The following ATP1A4 variants were observed in gnomAD, a reference collection of about 807,000 sequenced individuals.
ATP1A4 encodes the protein ATPase Na+/K+ transporting subunit alpha 4, also known as sodium/potassium-transporting ATPase subunit alpha-4.
A neutral mutation model predicts 114.3 loss-of-function variants in ATP1A4; 90 were observed. The observed-to-expected ratio is 0.79, with a 90% CI of 0.66 to 0.94. The LOEUF (loss-of-function observed/expected upper bound fraction) is 0.94. Among genes scored for constraint, ATP1A4 ranks in the 40% least tolerant of loss-of-function variants. ATP1A4 has a pLI of 0.00. For synonymous variants in ATP1A4, 511 were observed against 494.1 expected (o/e 1.03, Z -0.45); for missense variants, 1,222 against 1,313.6 (o/e 0.93, Z 1.08).
chr1:160,176,618 T>G lies in ATP1A4; in HGVS notation c.2590+16T>G, dbSNP rs373163566. 5.3e-5 allele frequency: 85 copies of G among 1,611,862 alleles called. No individual in the cohort carries two copies. In the African/African-American group the frequency reaches 9.1e-4, roughly 17 times the overall value. On this transcript the variant is annotated intron_variant, in intron 17 of 21. Transcript: ENST00000368081. ...GGACAGATTGGTGCGCCCAGAGGAA[T>G]GAGGGGTGGAGGGAGCAGGGAGTGG...
intron 18 of ATP1A4, among the ~76,000 whole-genome samples, chr1:160,178,214 G>C (rs556505243): frequency 6.6e-6 from 1 of 152,108 alleles, no homozygotes; most frequent in East Asian, 1.9e-4. Context: ...AATTAGCCGG[G>C]CGTGGTGGCG....
chr1:160,151,752 C>A lies in ATP1A4; in HGVS notation c.-289C>A. On this transcript the variant is annotated 5_prime_UTR_variant, in exon 1 of 22. Transcript: ENST00000368081. Reference sequence around the variant, plus strand: ...CATTCCCTCACCTCTACCTTTTTATCCTTCCACCCTAGGCTTCTCTCCTCC... The same window carrying A: ...CATTCCCTCACCTCTACCTTTTTATACTTCCACCCTAGGCTTCTCTCCTCC... The A allele has an allele frequency of 3.1e-6, 1 of 320,328 alleles. No homozygotes were observed. The allele number at this position is 320,328 out of a possible 1,614,324, so 19.8% of individuals were successfully genotyped here. A position where few individuals can be genotyped will look rare whatever the true frequency, so the allele number is the denominator to read the frequency against.
chr1:160,153,241 C>T lies in ATP1A4; in HGVS notation c.207+17C>T. 1 of 1,610,790 alleles carries T rather than the reference C, an allele frequency of 6.2e-7. No individual in the cohort carries two copies. The highest frequency in any genetic ancestry group is 1.1e-5 in the South Asian group (1 of 90,968). The stretch of plus-strand genomic sequence containing the variant: ...CTGACAAAGGTGAGTAAGAAGCTCC[C>T]TGAGGAGGCAGAGAGTCTCCAACTC... On this transcript the variant is annotated intron_variant, in intron 2 of 21. Transcript: ENST00000368081.
chr1:160,172,743 C>T (rs1044646485), intron 12 of ATP1A4, among the ~76,000 whole-genome samples: 4 of 152,178 alleles, frequency 2.6e-5, no homozygotes, highest in Non-Finnish European at 4.4e-5. Context: ...TCTGTTGGAA[C>T]TGGCTTTATG....
chr1:160,171,757 G>C lies in ATP1A4; in HGVS notation c.1854G>C (p.Lys618Asn). 1 of 1,613,754 alleles carries C rather than the reference G, an allele frequency of 6.2e-7. No homozygotes were observed. Among genetic ancestry groups the C allele is most frequent in the Non-Finnish European group, 8.5e-7 (1 of 1,179,832 alleles). The change falls in exon 12 of 22, where the codon AAG becomes AAC. Residue 618 changes from lysine (K) to asparagine (N), a missense_variant and splice_region_variant. Physicochemically the swap from Lys to Asn is moderately conservative, Grantham distance 94 (BLOSUM62 0). Transcript: ENST00000368081. The part of the protein sequence containing the change: ...AVSKCRSAGI[K>N]VIMVTGDHPI... ...GCAAGTGTCGCAGTGCAGGAATTAA[G>C]GTAAATACTTGCCCAGACCAGGAGC...
chr1:160,155,684 A>G (rs962518936), intron 3 of ATP1A4, among the ~76,000 whole-genome samples: 4 of 151,992 alleles, frequency 2.6e-5, no homozygotes, highest in East Asian at 1.9e-4. Context: ...GACCTTCCCA[A>G]TTGATCCCCA....
intron 6 of ATP1A4, among the ~76,000 whole-genome samples, chr1:160,161,914 C>A (rs1188357855): frequency 1.3e-5 from 2 of 152,206 alleles, no homozygotes; most frequent in Non-Finnish European, 2.9e-5. Flanking sequence ...ATTAGAGATG[C>A]TCCTACTAAG....
At chr1:160,168,917 T>C (rs1653139098) in intron 10 of ATP1A4, among the ~76,000 whole-genome samples, 1 of 152,214 alleles carries the variant, frequency 6.6e-6, no homozygotes, top group Admixed American at 6.5e-5. Flanking sequence ...CAGCATAGCC[T>C]TTAACTGGAA....
chr1:160,159,358 C>T, intron 5 of ATP1A4, 51 bp from the exon 6 acceptor site: 1 of 1,493,538 alleles, frequency 6.7e-7, no homozygotes. Context: ...GTAAATAAAT[C>T]TGCCTTTTTT....
In ATP1A4 at chr1:160,164,427, G is replaced by A. The variant is rs1652965167; in HGVS notation, c.1047+3G>A. 1.9e-6 allele frequency: 3 copies of A among 1,613,648 alleles called. No homozygotes were observed. The highest frequency in any genetic ancestry group is 2.5e-6 in the Non-Finnish European group (3 of 1,179,618). ...AGGGGCTGTTGGCCACAGTCACTGT[G>A]AGTAGACAGGGTGGAAAATGGCCTC... On this transcript the variant is annotated splice_donor_region_variant and intron_variant, in intron 7 of 21. Transcript: ENST00000368081.
intron 6 of ATP1A4, among the ~76,000 whole-genome samples, chr1:160,163,366 C>T (rs1439947038): frequency 6.6e-6 from 1 of 152,182 alleles, no homozygotes; most frequent in Non-Finnish European, 1.5e-5. Context: ...ACAAGACAGT[C>T]CCTAACTCTA....
Position 160,167,427 on chromosome 1 carries a change from A to G in ATP1A4, c.1491+15A>G, listed in dbSNP as rs1455695961. 1 of 1,609,746 alleles carries G rather than the reference A, an allele frequency of 6.2e-7. No individual in the cohort carries two copies. Among genetic ancestry groups the G allele is most frequent in the Admixed American group, 1.7e-5 (1 of 58,238 alleles). On this transcript the variant is annotated intron_variant, in intron 10 of 21. Coordinates refer to ENST00000368081, the MANE Select transcript of ATP1A4 (RefSeq NM_144699.4). ...ACAAGTACCAGGTACAGAACCCACA[A>G]AGGTAGGAGAATGGTGGTGGGGGGA...
intron 16 of ATP1A4, 26 bp downstream of exon 16, chr1:160,176,272 G>A: frequency 6.2e-7 from 1 of 1,613,000 alleles, no homozygotes; most frequent in East Asian, 2.2e-5. Flanking sequence ...GTGAGCAAGA[G>A]ATTCCCAGAA....
intron 20 of ATP1A4, among the ~76,000 whole-genome samples, 168 bp from the exon 21 acceptor site, chr1:160,186,108 A>AAAAAAAAAAAAAAG (rs1653882284): frequency 6.7e-6 from 1 of 148,934 alleles, no homozygotes; most frequent in Non-Finnish European, 1.5e-5. Flanking sequence ...AAAAAAAAAA[A>AAAAAAAAAAAAAAG]GGGATCAACC....
At chr1:160,178,819 C>G (rs1653580087) in intron 18 of ATP1A4, among the ~76,000 whole-genome samples, 1 of 152,242 alleles carries the variant, frequency 6.6e-6, no homozygotes. Context: ...CTGAAGCCCT[C>G]TCCCCAACAA....
Position 160,186,086 on chromosome 1 carries a change from C to CAAAAAAAAAAAAAAAAAAAAAA in ATP1A4, c.2970-189_2970-168dup, listed in dbSNP as rs527303426. Among the ~76,000 whole-genome samples, 12 of 32,790 alleles carry CAAAAAAAAAAAAAAAAAAAAAA rather than the reference C, an allele frequency of 3.7e-4. 2 individuals are homozygous for CAAAAAAAAAAAAAAAAAAAAAA. The highest frequency in any genetic ancestry group is 2.5e-3 in the East Asian group (2 of 788). 21.5% of individuals were successfully genotyped at this position (32,790 alleles called of 152,430 possible). ...TGGGCAACAGAACAAGACTCTGTCG[C>CAAAAAAAAAAAAAAAAAAAAAA]AAAAAAAAAAAAAAAAAAAAAAGGG... On this transcript the variant is annotated intron_variant, in intron 20 of 21. Coordinates refer to ENST00000368081, the MANE Select transcript of ATP1A4 (RefSeq NM_144699.4).
In ATP1A4 at chr1:160,166,976, T is replaced by C. The variant is rs981461425; in HGVS notation, c.1255T>C (p.Phe419Leu). 1 of 1,614,098 alleles carries C rather than the reference T, an allele frequency of 6.2e-7. No individual in the cohort carries two copies. Among genetic ancestry groups the C allele is most frequent in the Non-Finnish European group, 8.5e-7 (1 of 1,179,980 alleles). Residue 419 changes from phenylalanine (F) to leucine (L), a missense_variant, in exon 9 of 22, where the codon TTT (phenylalanine) becomes CTT (leucine). Phe to Leu is a conservative substitution (Grantham distance 22). Coordinates refer to ENST00000368081, the MANE Select transcript of ATP1A4 (RefSeq NM_144699.4). ...CTTTTCTTTCTCCCTAGGAAAAACA[T>C]TTACCAAGAGCTCTGATACCTGGTT... is the stretch of plus-strand genomic sequence containing the variant. ...DTTEEQTGKT[F>L]TKSSDTWFML... is the part of the protein sequence containing the mutation.
At position 160,156,136 on chromosome 1, in the gene ATP1A4, CT is replaced by C; in HGVS notation, c.507del (p.Phe169LeufsTer11). 3 of 1,613,084 alleles carry C rather than the reference CT, an allele frequency of 1.9e-6. No individual in the cohort carries two copies. The highest frequency in any genetic ancestry group is 2.5e-6 in the Non-Finnish European group (3 of 1,179,074). On this transcript the variant is annotated frameshift_variant, in exon 4 of 22. Transcript: ENST00000368081. LOFTEE classifies it high-confidence loss of function. ...GCCAAGAGCTCCAAGATCATGGAGTCTTTTAAGAACATGGTGCCTCAGGTAG... is the reference window on the plus strand; with the variant it reads ...GCCAAGAGCTCCAAGATCATGGAGTCTTTAAGAACATGGTGCCTCAGGTAG... ...QEAKSSKIME[S>X]FKNMVPQQAL...
intron 3 of ATP1A4, 43 bp from the exon 4 acceptor site, chr1:160,156,002 C>A (rs747857411): frequency 8.2e-7 from 1 of 1,225,120 alleles, no homozygotes; most frequent in Non-Finnish European, 1.2e-6. Flanking sequence ...ATGAAGAAGA[C>A]GACAAGGTCC....
Sources: gnomAD v4.1 joint callset for allele counts (sites outside exome capture counted in the v4.1 genomes callset) on GRCh38, gnomAD v4.1.1 for gene constraint, MANE v1.5 for transcripts, NCBI Gene and HGNC (gene_info 2026-07-23, HGNC 2026-07-21) for gene names.